Variants in MDGA1 observed in about 807,000 individuals in gnomAD.
The protein encoded by MDGA1 is MAM domain containing glycosylphosphatidylinositol anchor 1, also known as MAM domain-containing glycosylphosphatidylinositol anchor protein 1.
In MDGA1, 54 loss-of-function variants were observed where a neutral mutation model predicts 101.5. The ratio of observed to expected loss-of-function variants is 0.53; its 90% CI spans 0.43 to 0.67. The LOEUF is 0.67. Ranked by LOEUF, MDGA1 falls within the 30% of genes least tolerant of loss-of-function variation. The pLI is 0.00. For missense variants in MDGA1, 1,083 were observed against 1,323.8 expected (o/e 0.82, Z 2.82); for synonymous variants, 533 against 558.3 (o/e 0.95, Z 0.64).
At chr6:37,656,207 A>G (rs1477498479) in intron 3 of MDGA1, among the ~76,000 whole-genome samples, 1 of 150,606 alleles carries the variant, frequency 6.6e-6, no homozygotes, top group Non-Finnish European at 1.5e-5. Flanking sequence ...CCTCCCAAGT[A>G]GCTGGGATTA....
intron 1 of MDGA1, among the ~76,000 whole-genome samples, chr6:37,678,583 A>T (rs1199453142): frequency 6.6e-6 from 1 of 151,502 alleles, no homozygotes. Flanking sequence ...CCCACTTCCC[A>T]TTCTACTGCC....
At position 37,630,705 on chromosome 6, in the gene MDGA1, A is replaced by T. The variant is rs1404089978; in HGVS notation, c.*6663T>A. 1.3e-5 allele frequency: 2 copies of T among 152,214 alleles called. No homozygotes were observed. Among genetic ancestry groups the T allele is most frequent in the Non-Finnish European group, 2.9e-5 (2 of 68,062 alleles). 9.4% of individuals were successfully genotyped at this position (152,214 alleles called of 1,614,324 possible). A position where few individuals can be genotyped will look rare whatever the true frequency, so the allele number is the denominator to read the frequency against. On this transcript the variant is annotated 3_prime_UTR_variant, in exon 17 of 17. Transcript: ENST00000434837. ...TAAAACAACTATTTTATTATATCCC[A>T]TGACGATGGGTCAGGAATTTGGACA...
Position 37,634,630 on chromosome 6 carries a change from C to A in MDGA1, c.*2738G>T, listed in dbSNP as rs9366943. On this transcript the variant is annotated 3_prime_UTR_variant, in exon 17 of 17. Transcript: ENST00000434837. The surrounding 1 kb of genome is among the most constrained non-coding windows in gnomAD (Gnocchi z 4.7). ...CCCACCTGCTGGCACACACAGACAT[C>A]CACATCAGCCTCACCCATTCACACG... 15,597 of 152,962 alleles carry A rather than the reference C, an allele frequency of 0.1. 1,174 individuals are homozygous for A. Among genetic ancestry groups the A allele is most frequent in the East Asian group, 0.39 (2,029 of 5,182 alleles). 9.5% of individuals were successfully genotyped at this position (152,962 alleles called of 1,614,324 possible).
chr6:37,643,872 A>G lies in MDGA1; in HGVS notation c.2473T>C (p.Tyr825His), dbSNP rs1278462328. ...CAGTAGAACTTGGCGCTGGCATTGT[A>G]GAGGGGACTCACTAACCTTGCACGG... ...GDRARLVSPL[Y>H]NASAKFYCVS... The change falls in exon 14 of 17, where the codon TAC (tyrosine) becomes CAC (histidine). Residue 825 changes from tyrosine (Y) to histidine (H), a missense_variant. Transcript: ENST00000434837. 1 of 1,613,874 alleles carries G rather than the reference A, an allele frequency of 6.2e-7. No individual in the cohort carries two copies. The highest frequency in any genetic ancestry group is 1.7e-5 in the Admixed American group (1 of 60,000).
In MDGA1 at chr6:37,655,992, T is replaced by C; in HGVS notation, c.383-96A>G. 1 of 1,029,348 alleles carries C rather than the reference T, an allele frequency of 9.7e-7. No homozygotes were observed. Among genetic ancestry groups the C allele is most frequent in the Non-Finnish European group, 1.4e-6 (1 of 720,994 alleles). The allele number at this position is 1,029,348 out of a possible 1,614,324, so 63.8% of individuals were successfully genotyped here. ...GCCCTTAGGAAGAGCTGAGCCACCC[T>C]CAACAGACATTTCCAGATTGCCAGA... On this transcript the variant is annotated intron_variant, in intron 3 of 16. Coordinates refer to ENST00000434837, the MANE Select transcript of MDGA1 (RefSeq NM_153487.4). This position sits in a 1 kb window ranked among gnomAD's most constrained non-coding sequence, Gnocchi z 5.1.
At chr6:37,687,067 C>T (rs995447093) in intron 1 of MDGA1, among the ~76,000 whole-genome samples, 2 of 152,102 alleles carry the variant, frequency 1.3e-5, no homozygotes, top group Non-Finnish European at 2.9e-5. Flanking sequence ...ACCCTGACTC[C>T]ACCACCGCCT....
chr6:37,689,747 C>A (rs527727743), intron 1 of MDGA1, among the ~76,000 whole-genome samples: 1 of 152,300 alleles, frequency 6.6e-6, no homozygotes, highest in East Asian at 1.9e-4. Context: ...AGTCTCCCAG[C>A]TCCAAACCTC....
At chr6:37,686,824 C>T (rs1480113765) in intron 1 of MDGA1, among the ~76,000 whole-genome samples, 3 of 152,146 alleles carry the variant, frequency 2.0e-5, no homozygotes, top group Admixed American at 2.0e-4. Flanking sequence ...ATGAAAGGAG[C>T]CTTGAGAACC....
chr6:37,683,342 C>T (rs957881129), intron 1 of MDGA1, among the ~76,000 whole-genome samples: 2 of 152,242 alleles, frequency 1.3e-5, no homozygotes, highest in African/African-American at 4.8e-5. Flanking sequence ...CTTGTACATG[C>T]AGCCCTGAAC....
chr6:37,667,635 C>T (rs1005291312), intron 1 of MDGA1, among the ~76,000 whole-genome samples: 2 of 152,184 alleles, frequency 1.3e-5, no homozygotes, highest in Non-Finnish European at 2.9e-5. Flanking sequence ...GATGTGCATG[C>T]TGGTTGCTGA....
intron 1 of MDGA1, among the ~76,000 whole-genome samples, chr6:37,680,362 AG>A (rs1472560343): frequency 3.9e-5 from 6 of 152,242 alleles, no homozygotes; most frequent in Non-Finnish European, 1.5e-5. Flanking sequence ...CTCAGCCACT[AG>A]GGCTACCCTT....
rs1399502053 is a variant in MDGA1, at chr6:37,696,773, G to A, written c.39C>T (p.Pro13=). 2.5e-6 allele frequency: 4 copies of A among 1,584,430 alleles called. No individual in the cohort carries two copies. Among genetic ancestry groups the A allele is most frequent in the Admixed American group, 1.8e-5 (1 of 56,332 alleles). The change falls in exon 1 of 17, where the codon CCC becomes CCT. Residue 13 remains proline (P), a synonymous_variant. Transcript: ENST00000434837. The surrounding 1 kb of genome is among the most constrained non-coding windows in gnomAD (Gnocchi z 5.6). ...VTCLLLLALI[P]FHCRGQGVYA... ...AGACTCCTTGTCCCCGGCAGTGGAAGGGGATCAGCGCCAGAAGTAGAAGGC... is the reference window on the plus strand; with the variant it reads ...AGACTCCTTGTCCCCGGCAGTGGAAAGGGATCAGCGCCAGAAGTAGAAGGC...
intron 2 of MDGA1, among the ~76,000 whole-genome samples, chr6:37,659,207 C>G (rs1761566299): frequency 6.6e-6 from 1 of 152,178 alleles, no homozygotes; most frequent in South Asian, 2.1e-4. Context: ...GAGCCACAGC[C>G]AGCCAGCTAA....
At chr6:37,681,399 C>T (rs1250577098) in intron 1 of MDGA1, among the ~76,000 whole-genome samples, 1 of 152,094 alleles carries the variant, frequency 6.6e-6, no homozygotes, top group Non-Finnish European at 1.5e-5. Context: ...GACTGATGAC[C>T]CAGGGTGCTG....
intron 1 of MDGA1, among the ~76,000 whole-genome samples, chr6:37,678,061 G>C (rs9470658): frequency 0.03 from 4,494 of 152,262 alleles, 198 homozygotes; most frequent in African/African-American, 0.099. Context: ...TAAAGAACCA[G>C]GGAGCAGAAA....
In MDGA1 at chr6:37,697,019, C is replaced by CG. The variant is rs1561869252; in HGVS notation, c.-209dup. 1.9e-6 allele frequency: 1 copy of CG among 539,920 alleles called. No individual in the cohort carries two copies. Among genetic ancestry groups the CG allele is most frequent in the African/African-American group, 2.0e-5 (1 of 50,582 alleles). 33.4% of individuals were successfully genotyped at this position (539,920 alleles called of 1,614,324 possible). Reference sequence around the variant, plus strand: ...GGCGGGGCCGCTGCCCGCGTGGGGACGCAGGGGGCGCTGGCCCAGCCCCGG... The same window carrying CG: ...GGCGGGGCCGCTGCCCGCGTGGGGACGGCAGGGGGCGCTGGCCCAGCCCCGG... On this transcript the variant is annotated 5_prime_UTR_variant, in exon 1 of 17. Transcript: ENST00000434837.
chr6:37,659,057 A>C (rs1761562927), intron 2 of MDGA1, among the ~76,000 whole-genome samples: 2 of 150,048 alleles, frequency 1.3e-5, no homozygotes, highest in Non-Finnish European at 3.0e-5. Flanking sequence ...CGCCCAATGG[A>C]GGGGCTCACT....
At chr6:37,672,173 G>A (rs1028461274) in intron 1 of MDGA1, among the ~76,000 whole-genome samples, 8 of 151,590 alleles carry the variant, frequency 5.3e-5, no homozygotes, top group South Asian at 4.2e-4. Context: ...CCTTCAGGCC[G>A]GGCACAGTGC....
chr6:37,640,157 G>A (rs899779813), intron 14 of MDGA1, among the ~76,000 whole-genome samples: 1 of 152,144 alleles, frequency 6.6e-6, no homozygotes, highest in Non-Finnish European at 1.5e-5. Flanking sequence ...TCTGGAGGAG[G>A]TGGTGTTTTT....
Sources: allele counts gnomAD v4.1 joint callset (sites outside exome capture counted in the v4.1 genomes callset), GRCh38; gene constraint gnomAD v4.1.1; non-coding constraint Gnocchi (gnomAD v3.1); transcripts MANE v1.5; gene names NCBI Gene and HGNC (gene_info 2026-07-23, HGNC 2026-07-21).